ADAM18: variants seen among roughly 807,000 people sequenced by gnomAD.
The protein encoded by ADAM18 is ADAM metallopeptidase domain 18.
ADAM18 carries 117 observed loss-of-function variants against 94.4 expected under a neutral mutation model. The observed-to-expected ratio is 1.24, with a 90% CI of 1.07 to 1.45. The LOEUF is 1.45. Among genes scored for constraint, ADAM18 ranks in the 40% most tolerant of loss-of-function variants. The probability of loss-of-function intolerance (pLI) is 0.00; values close to 1 mark genes in which losing one functional copy is unlikely to be tolerated. For missense variants in ADAM18, 936 were observed against 880.0 expected, an observed-to-expected ratio of 1.06 and a Z score of -0.81; for synonymous variants, 327 against 291.6, an observed-to-expected ratio of 1.12 and a Z score of -1.24.
At chr8:39,675,223 A>G (rs1416506954) in intron 14 of ADAM18, among the ~76,000 whole-genome samples, 1 of 152,100 alleles carries the variant, frequency 6.6e-6, no homozygotes, top group African/African-American at 2.4e-5. Flanking sequence ...GTGTTTTCCA[A>G]CTTGGTTCCA....
At chr8:39,695,514 T>A (rs1460259572) in intron 17 of ADAM18, among the ~76,000 whole-genome samples, 1 of 151,358 alleles carries the variant, frequency 6.6e-6, no homozygotes, top group African/African-American at 2.4e-5. Flanking sequence ...TTATTACACT[T>A]TTTTGAAATA....
At chr8:39,661,837 A>C (rs1820849288) in intron 12 of ADAM18, among the ~76,000 whole-genome samples, 1 of 151,808 alleles carries the variant, frequency 6.6e-6, no homozygotes, top group Admixed American at 6.6e-5. Context: ...ATTTGTGAAA[A>C]ATGGAGGATA....
Position 39,637,959 on chromosome 8 carries a change from T to A in ADAM18, c.827+256T>A, listed in dbSNP as rs150946916. Among the ~76,000 whole-genome samples, 1,216 of 152,066 alleles carry A rather than the reference T, an allele frequency of 8.0e-3. 10 individuals carry two copies. Among genetic ancestry groups the A allele is most frequent in the Middle Eastern group, 0.037 (11 of 294 alleles). ...TTCATGAACTTCTGTAATGTTGACT[T>A]TGCTACAGAAAACATATAATCCTTA... On this transcript the variant is annotated intron_variant, in intron 9 of 19. Transcript: ENST00000265707.
intron 12 of ADAM18, among the ~76,000 whole-genome samples, chr8:39,654,269 T>A (rs1820624710): frequency 1.3e-5 from 2 of 150,732 alleles, no homozygotes; most frequent in Admixed American, 1.3e-4. Flanking sequence ...GCGATTCTCC[T>A]GCCTCAGCCT....
At chr8:39,661,427 G>T (rs1820836931) in intron 12 of ADAM18, among the ~76,000 whole-genome samples, 1 of 147,824 alleles carries the variant, frequency 6.8e-6, no homozygotes, top group Non-Finnish European at 1.5e-5. Context: ...GCCTTCCTCA[G>T]CCTCCCAAAG....
intron 18 of ADAM18, among the ~76,000 whole-genome samples, chr8:39,718,010 T>A (rs1335698687): frequency 6.6e-6 from 1 of 151,324 alleles, no homozygotes; most frequent in Admixed American, 6.6e-5. Context: ...ATCAAGGAAA[T>A]AAAAATCAGA....
At chr8:39,688,855 A>G (rs1188823639) in intron 16 of ADAM18, among the ~76,000 whole-genome samples, 5 of 152,148 alleles carry the variant, frequency 3.3e-5, no homozygotes, top group Non-Finnish European at 7.4e-5. Context: ...CTTTTTCTCC[A>G]CAACTTTGAC....
At chr8:39,652,343 C>T (rs1820561573) in intron 12 of ADAM18, among the ~76,000 whole-genome samples, 1 of 152,084 alleles carries the variant, frequency 6.6e-6, no homozygotes, top group Non-Finnish European at 1.5e-5. Flanking sequence ...ACTCCAACCA[C>T]TCAATAGCAG....
chr8:39,658,571 C>T (rs1820748832), intron 12 of ADAM18, among the ~76,000 whole-genome samples: 1 of 152,140 alleles, frequency 6.6e-6, no homozygotes, highest in African/African-American at 2.4e-5. Flanking sequence ...CGCAAGCCCA[C>T]CAACACCTTG....
chr8:39,667,086 A>G (rs1821010747), intron 13 of ADAM18, among the ~76,000 whole-genome samples: 1 of 152,106 alleles, frequency 6.6e-6, no homozygotes, highest in Admixed American at 6.6e-5. Flanking sequence ...ATAATAATAA[A>G]CATATAAAAA....
chr8:39,618,470 T>C (rs922640878), intron 6 of ADAM18, among the ~76,000 whole-genome samples: 3 of 152,156 alleles, frequency 2.0e-5, no homozygotes, highest in Non-Finnish European at 4.4e-5. Flanking sequence ...ATATAGTGTG[T>C]GCATCAGTAA....
chr8:39,728,606 T>C (rs971360746), intron 19 of ADAM18, among the ~76,000 whole-genome samples: 1 of 152,176 alleles, frequency 6.6e-6, no homozygotes, highest in Non-Finnish European at 1.5e-5. Context: ...ATACAACATA[T>C]ATCACAACGA....
intron 10 of ADAM18, among the ~76,000 whole-genome samples, chr8:39,638,966 TG>T (rs1310824515): frequency 2.0e-5 from 3 of 151,912 alleles, no homozygotes; most frequent in Non-Finnish European, 4.4e-5. Flanking sequence ...TAATATATAT[TG>T]TTTTTAGATA....
At chr8:39,686,955 T>G (rs1317060670) in intron 16 of ADAM18, among the ~76,000 whole-genome samples, 1 of 152,214 alleles carries the variant, frequency 6.6e-6, no homozygotes, top group East Asian at 1.9e-4. Flanking sequence ...TAAGAGTGCC[T>G]TCATCACAGG....
At chr8:39,640,165 A>G (rs1166817067) in intron 10 of ADAM18, among the ~76,000 whole-genome samples, 1 of 151,956 alleles carries the variant, frequency 6.6e-6, no homozygotes, top group African/African-American at 2.4e-5. Context: ...ATTCTTCCTG[A>G]TCCTCTCCCA....
At chr8:39,683,312 G>T (rs1041918775) in intron 16 of ADAM18, among the ~76,000 whole-genome samples, 3 of 152,168 alleles carry the variant, frequency 2.0e-5, no homozygotes. Context: ...GAAATTGGCT[G>T]GCATTTTAAT....
chr8:39,610,402 G>T, intron 5 of ADAM18, 127 bp from the exon 6 acceptor site: 1 of 1,203,544 alleles, frequency 8.3e-7, no homozygotes, highest in Non-Finnish European at 1.1e-6. Flanking sequence ...AATGGAAAAA[G>T]AAAATGGGCT....
chr8:39,632,452 C>T (rs1001091979), intron 7 of ADAM18, among the ~76,000 whole-genome samples: 1 of 151,976 alleles, frequency 6.6e-6, no homozygotes, highest in African/African-American at 2.4e-5. Flanking sequence ...TTTTTTTCTG[C>T]TCTTACAGAG....
intron 16 of ADAM18, among the ~76,000 whole-genome samples, chr8:39,691,387 G>C (rs1042649096): frequency 6.6e-6 from 1 of 152,080 alleles, no homozygotes; most frequent in Non-Finnish European, 1.5e-5. Context: ...ATGCAAATTA[G>C]TACAGCTAAT....
Sources: allele counts gnomAD v4.1 joint callset (sites outside exome capture counted in the v4.1 genomes callset), GRCh38; gene constraint gnomAD v4.1.1; transcripts MANE v1.5; gene names NCBI Gene and HGNC (gene_info 2026-07-23, HGNC 2026-07-21).